The following KDM4C variants were observed in gnomAD, a reference collection of about 807,000 sequenced individuals.
The protein encoded by KDM4C is lysine-specific demethylase 4C.
KDM4C carries 81 observed loss-of-function variants against 129.3 expected under a neutral mutation model. The ratio of observed to expected loss-of-function variants is 0.63; its 90% CI spans 0.52 to 0.75. The LOEUF (loss-of-function observed/expected upper bound fraction) is 0.75, where lower values mean the gene tolerates loss of function less well. KDM4C is among the 30% of genes least tolerant of loss of function. The pLI is 0.00. For synonymous variants in KDM4C, 573 were observed against 456.1 expected, an observed-to-expected ratio of 1.26 and a Z score of -3.26; for missense variants, 1,457 against 1,304.0, an observed-to-expected ratio of 1.12 and a Z score of -1.81.
At chr9:7,093,708 A>G (rs1221555346) in intron 17 of KDM4C, among the ~76,000 whole-genome samples, 1 of 152,226 alleles carries the variant, frequency 6.6e-6, no homozygotes, top group Non-Finnish European at 1.5e-5. Flanking sequence ...GTTAAAGTAC[A>G]GTTATTAAAA....
intron 4 of KDM4C, among the ~76,000 whole-genome samples, chr9:6,848,671 GA>G (rs533953426): frequency 0.03 from 4,306 of 143,414 alleles, 96 homozygotes; most frequent in African/African-American, 0.062. Flanking sequence ...TGTCTCAGGG[GA>G]AAAAAAAAAA....
intron 15 of KDM4C, among the ~76,000 whole-genome samples, chr9:7,020,209 C>T: frequency 6.6e-6 from 1 of 152,164 alleles, no homozygotes; most frequent in East Asian, 1.9e-4. Flanking sequence ...TTTTATTGTA[C>T]CCTAATTTGG....
At chr9:7,058,966 T>C (rs994496957) in intron 17 of KDM4C, among the ~76,000 whole-genome samples, 3 of 152,194 alleles carry the variant, frequency 2.0e-5, no homozygotes, top group African/African-American at 7.2e-5. Flanking sequence ...TGTGAAAGAA[T>C]TTGAGCTTTC....
intron 5 of KDM4C, among the ~76,000 whole-genome samples, chr9:6,865,118 C>T (rs1341588236): frequency 6.7e-6 from 1 of 150,354 alleles, no homozygotes; most frequent in Non-Finnish European, 1.5e-5. Flanking sequence ...AAGCAATTCT[C>T]CTGCTTCAGC....
chr9:6,807,229 G>A (rs1365179388), intron 3 of KDM4C, among the ~76,000 whole-genome samples: 1 of 152,154 alleles, frequency 6.6e-6, no homozygotes, highest in African/African-American at 2.4e-5. Context: ...GCGTGATCTC[G>A]GCTCACTATA....
chr9:7,042,758 G>A (rs1251173024), intron 15 of KDM4C, among the ~76,000 whole-genome samples: 1 of 151,990 alleles, frequency 6.6e-6, no homozygotes, highest in East Asian at 1.9e-4. Flanking sequence ...ATGCTTTGGG[G>A]CAGAAGATGT....
At chr9:7,113,634 G>A (rs565307082) in intron 18 of KDM4C, among the ~76,000 whole-genome samples, 4 of 152,254 alleles carry the variant, frequency 2.6e-5, no homozygotes, top group Admixed American at 1.3e-4. Flanking sequence ...CATACTCTAC[G>A]AAAGAAGGCA....
Position 6,758,066 on chromosome 9 carries a change from C to A in KDM4C, c.-155C>A. On this transcript the variant is annotated 5_prime_UTR_variant, in exon 1 of 22. It adds an upstream start codon to the 5' untranslated region. Transcript: ENST00000381309. This position sits in a 1 kb window ranked among gnomAD's most constrained non-coding sequence, Gnocchi z 4.6. The stretch of plus-strand genomic sequence containing the variant: ...GCGCAGTGATCGGGCGGCCGGGGTC[C>A]TGTGCGCGTGCGCAGCGAACAGCTG... 2 of 985,460 alleles carry A rather than the reference C, an allele frequency of 2.0e-6. No homozygotes were observed. Among genetic ancestry groups the A allele is most frequent in the Non-Finnish European group, 2.4e-6 (2 of 829,982 alleles). 61.0% of individuals were successfully genotyped at this position (985,460 alleles called of 1,614,324 possible). A position where few individuals can be genotyped will look rare whatever the true frequency, so the allele number is the denominator to read the frequency against.
chr9:7,115,821 C>T (rs1171767688), intron 18 of KDM4C, among the ~76,000 whole-genome samples: 1 of 152,254 alleles, frequency 6.6e-6, no homozygotes, highest in African/African-American at 2.4e-5. Context: ...AATGCCTTAT[C>T]TTCTTTGTCA....
At chr9:7,119,550 C>G (rs1245524253) in intron 18 of KDM4C, among the ~76,000 whole-genome samples, 1 of 151,740 alleles carries the variant, frequency 6.6e-6, no homozygotes, top group Non-Finnish European at 1.5e-5. Flanking sequence ...AGTTGTTAGA[C>G]CTACCTTTAG....
chr9:6,800,368 A>G (rs904450063), intron 2 of KDM4C, among the ~76,000 whole-genome samples: 4 of 151,820 alleles, frequency 2.6e-5, no homozygotes, highest in Non-Finnish European at 4.4e-5. Context: ...CCATCTCAAA[A>G]AGCAAACAAA....
intron 14 of KDM4C, among the ~76,000 whole-genome samples, chr9:7,014,915 AAC>A (rs55864882): frequency 0.039 from 5,739 of 146,206 alleles, 154 homozygotes; most frequent in African/African-American, 0.083. Flanking sequence ...GGCAATTTGT[AAC>A]ACACACACAC....
Position 6,919,662 on chromosome 9 carries a change from G to A in KDM4C, c.921+26430G>A, listed in dbSNP as rs1195892201. Among the ~76,000 whole-genome samples the A allele has an allele frequency of 5.3e-5, 8 of 151,620 alleles. No homozygotes were observed. In the East Asian group the frequency reaches 5.8e-4, roughly 11 times the overall value. ...GCGATCTTGGCTCCCTGCAATCTCCGCCTCCCGGGTTCAAGTGATTCTCTT... is the reference window on the plus strand; with the variant it reads ...GCGATCTTGGCTCCCTGCAATCTCCACCTCCCGGGTTCAAGTGATTCTCTT... On this transcript the variant is annotated intron_variant, in intron 8 of 21. Transcript: ENST00000381309.
At chr9:7,105,629 A>G (rs1047184905) in intron 18 of KDM4C, 3 of 355,420 alleles carry the variant, frequency 8.4e-6, no homozygotes, top group Non-Finnish European at 1.7e-5. Flanking sequence ...CTCATACTCT[A>G]TTATTTGGTG....
At chr9:7,170,140 T>C in intron 21 of KDM4C, 1 of 1,365,682 alleles carries the variant, frequency 7.3e-7, no homozygotes. Flanking sequence ...TGACATTTAT[T>C]GGTGCACAAA....
intron 8 of KDM4C, among the ~76,000 whole-genome samples, chr9:6,938,311 C>G (rs914132869): frequency 3.3e-5 from 5 of 152,150 alleles, no homozygotes; most frequent in African/African-American, 1.2e-4. Flanking sequence ...GGTATAAGCC[C>G]CATTTCCAGG....
chr9:6,775,340 G>A (rs1822786168), intron 1 of KDM4C, among the ~76,000 whole-genome samples: 1 of 151,742 alleles, frequency 6.6e-6, no homozygotes, highest in Non-Finnish European at 1.5e-5. Context: ...CCTGGGAGTA[G>A]CTATGATTTG....
intron 8 of KDM4C, among the ~76,000 whole-genome samples, chr9:6,912,113 G>C (rs1054960888): frequency 6.6e-6 from 1 of 152,200 alleles, no homozygotes; most frequent in Non-Finnish European, 1.5e-5. Context: ...TCAAGGTGCA[G>C]GCAGAGCCAG....
chr9:7,000,478 A>G (rs949068143), intron 12 of KDM4C, among the ~76,000 whole-genome samples: 1 of 152,194 alleles, frequency 6.6e-6, no homozygotes, highest in Non-Finnish European at 1.5e-5. Flanking sequence ...GGGTTCATGT[A>G]TGCCTTGTTA....
Sources: gnomAD v4.1 joint callset for allele counts (sites outside exome capture counted in the v4.1 genomes callset) on GRCh38, gnomAD v4.1.1 for gene constraint, Gnocchi (gnomAD v3.1) non-coding constraint, MANE v1.5 for transcripts, NCBI Gene and HGNC (gene_info 2026-07-23, HGNC 2026-07-21) for gene names.